SCFD2: variants seen among roughly 807,000 people sequenced by gnomAD.
SCFD2 encodes the protein sec1 family domain-containing protein 2.
In SCFD2, 54 loss-of-function variants were observed where a neutral mutation model predicts 58.9. The ratio of observed to expected loss-of-function variants is 0.92; its 90% confidence interval spans 0.74 to 1.15. SCFD2 has a LOEUF of 1.15. SCFD2 is among the 50% of genes most tolerant of loss of function. SCFD2 has a pLI of 0.00. For synonymous variants in SCFD2, 321 were observed against 335.9 expected (o/e 0.96, Z 0.49); for missense variants, 805 against 836.6 (o/e 0.96, Z 0.47).
chr4:53,213,820 G>A (rs546507620), intron 4 of SCFD2, among the ~76,000 whole-genome samples: 12 of 151,946 alleles, frequency 7.9e-5, no homozygotes, highest in African/African-American at 1.7e-4. Flanking sequence ...ACCACCCCAC[G>A]ACAGGCCCTG....
chr4:53,029,102 A>T (rs1183885621), intron 5 of SCFD2, among the ~76,000 whole-genome samples: 2 of 152,204 alleles, frequency 1.3e-5, no homozygotes, highest in Non-Finnish European at 2.9e-5. Context: ...TTAAACAAAT[A>T]TCGAGCTGTA....
At chr4:53,132,045 A>G in intron 5 of SCFD2, among the ~76,000 whole-genome samples, 1 of 152,234 alleles carries the variant, frequency 6.6e-6, no homozygotes, top group East Asian at 1.9e-4. Flanking sequence ...TGTCTCAGAT[A>G]AGAATAATCA....
intron 4 of SCFD2, among the ~76,000 whole-genome samples, chr4:53,178,222 C>G (rs898646898): frequency 6.6e-6 from 1 of 152,156 alleles, no homozygotes; most frequent in Admixed American, 6.5e-5. Flanking sequence ...CCCTGACCCC[C>G]GAGTAGCCTA....
At chr4:52,874,556 T>C (rs779118691) in intron 8 of SCFD2, among the ~76,000 whole-genome samples, 4 of 152,210 alleles carry the variant, frequency 2.6e-5, no homozygotes, top group Non-Finnish European at 4.4e-5. Flanking sequence ...TACCACAAAC[T>C]GGGTGGCTTA....
intron 5 of SCFD2, among the ~76,000 whole-genome samples, chr4:53,091,010 T>C (rs1724453214): frequency 6.6e-6 from 1 of 152,194 alleles, no homozygotes; most frequent in East Asian, 1.9e-4. Context: ...ATTCATCACA[T>C]GACTCTAAGA....
chr4:53,216,398 T>C (rs1319577704), intron 4 of SCFD2, among the ~76,000 whole-genome samples: 1 of 152,240 alleles, frequency 6.6e-6, no homozygotes, highest in African/African-American at 2.4e-5. Flanking sequence ...TCCAGGAATT[T>C]ATCCATTTCT....
rs749171381 is a variant in SCFD2 at position 53,099,526 on chromosome 4, C to T, written c.1561+45807G>A. 5.3e-5 allele frequency among the ~76,000 whole-genome samples: 8 copies of T among 152,220 alleles called. No individual in the cohort carries two copies. The East Asian group carries it at 5.8e-4, about 11-fold the overall frequency. ...TCTGCAGGTTGTACAAGACGCATGGCGCCAGCATCTGCTTGGCTTCTGGTG... is the reference window on the plus strand; with the variant it reads ...TCTGCAGGTTGTACAAGACGCATGGTGCCAGCATCTGCTTGGCTTCTGGTG... On this transcript the variant is annotated intron_variant, in intron 5 of 8. Coordinates refer to ENST00000401642, the MANE Select transcript of SCFD2 (RefSeq NM_152540.4).
At chr4:53,132,526 T>C (rs1725813765) in intron 5 of SCFD2, among the ~76,000 whole-genome samples, 1 of 152,216 alleles carries the variant, frequency 6.6e-6, no homozygotes, top group Non-Finnish European at 1.5e-5. Flanking sequence ...ATGTATTCTG[T>C]AATGGAAAAG....
chr4:53,240,340 G>C (rs1057457774), intron 4 of SCFD2, among the ~76,000 whole-genome samples: 46 of 152,270 alleles, frequency 3.0e-4, no homozygotes, highest in African/African-American at 1.1e-3. Context: ...ACCAATTTCA[G>C]GATGTACCCA....
In SCFD2 at chr4:53,233,220, G is replaced by GA. The variant is rs934639929; in HGVS notation, c.1311+40605dup. On this transcript the variant is annotated intron_variant, in intron 4 of 8. Transcript: ENST00000401642. ...CTTAGGAACCTAGGTGTTTAACAAAGAAAAAAAAAATCCTAGCACCACTGG... is the reference window on the plus strand; with the variant it reads ...CTTAGGAACCTAGGTGTTTAACAAAGAAAAAAAAAAATCCTAGCACCACTGG... Among the ~76,000 whole-genome samples the GA allele has an allele frequency of 9.3e-3, 1,395 of 149,776 alleles. 26 individuals carry two copies. Among genetic ancestry groups the GA allele is most frequent in the African/African-American group, 0.032 (1,300 of 40,914 alleles).
chr4:53,083,760 G>A (rs758857077), intron 5 of SCFD2, among the ~76,000 whole-genome samples: 39 of 152,174 alleles, frequency 2.6e-4, no homozygotes, highest in Non-Finnish European at 4.6e-4. Context: ...TGTGATGCTC[G>A]CCTGAATCTC....
intron 4 of SCFD2, among the ~76,000 whole-genome samples, chr4:53,257,902 G>T (rs1262936380): frequency 6.6e-6 from 1 of 151,638 alleles, no homozygotes; most frequent in Non-Finnish European, 1.5e-5. Context: ...AAAAAAAATA[G>T]CAAAAAAGAT....
intron 2 of SCFD2, among the ~76,000 whole-genome samples, chr4:53,346,730 G>A (rs1734068956): frequency 6.6e-6 from 1 of 152,168 alleles, no homozygotes; most frequent in Admixed American, 6.5e-5. Context: ...ATAGTATAGT[G>A]TTCTGGCATT....
chr4:53,353,323 G>A (rs1157527136), intron 1 of SCFD2, among the ~76,000 whole-genome samples: 1 of 152,136 alleles, frequency 6.6e-6, no homozygotes, highest in Non-Finnish European at 1.5e-5. Context: ...ACTGGCCTTA[G>A]GAGTGAAGCT....
chr4:53,126,867 G>T (rs1725644187), intron 5 of SCFD2, among the ~76,000 whole-genome samples: 2 of 151,770 alleles, frequency 1.3e-5, no homozygotes, highest in Non-Finnish European at 2.9e-5. Flanking sequence ...ATCATAATCA[G>T]GTTGGAAAAA....
chr4:53,087,960 C>G (rs1398484392), intron 5 of SCFD2, among the ~76,000 whole-genome samples: 1 of 151,964 alleles, frequency 6.6e-6, no homozygotes, highest in Non-Finnish European at 1.5e-5. Flanking sequence ...TGCCCGGCCC[C>G]AAAACTATTT....
At chr4:53,044,626 TC>T (rs1722982648) in intron 5 of SCFD2, among the ~76,000 whole-genome samples, 1 of 5,874 alleles carries the variant, frequency 1.7e-4, no homozygotes, top group Admixed American at 1.7e-3. Flanking sequence ...CCTTCTTCCC[TC>T]CCTCCCTCCT....
At chr4:53,059,132 G>A (rs1305375638) in intron 5 of SCFD2, among the ~76,000 whole-genome samples, 1 of 152,102 alleles carries the variant, frequency 6.6e-6, no homozygotes, top group African/African-American at 2.4e-5. Context: ...CCAGCCAGGT[G>A]ACTGATCTCT....
chr4:53,171,521 G>A (rs374448842), intron 4 of SCFD2, among the ~76,000 whole-genome samples: 4 of 152,086 alleles, frequency 2.6e-5, no homozygotes, highest in Non-Finnish European at 5.9e-5. Flanking sequence ...ACCAAGATAC[G>A]AGTTTGGAAT....
Sources: allele counts gnomAD v4.1 joint callset (sites outside exome capture counted in the v4.1 genomes callset), GRCh38; gene constraint gnomAD v4.1.1; transcripts MANE v1.5; gene names NCBI Gene and HGNC (gene_info 2026-07-23, HGNC 2026-07-21).